RHPN2: variants seen among roughly 807,000 people sequenced by gnomAD.
The protein encoded by RHPN2 is rhophilin Rho GTPase binding protein 2, also known as rhophilin-2.
RHPN2 carries 40 observed loss-of-function variants against 79.0 expected under a neutral mutation model. That is an observed-to-expected ratio of 0.51 (90% CI 0.39 to 0.66). RHPN2 has a LOEUF of 0.66. Among genes scored for constraint, RHPN2 ranks in the 30% least tolerant of loss-of-function variants. RHPN2 has a pLI of 0.00. For synonymous variants in RHPN2, 285 were observed against 363.5 expected (o/e 0.78, Z 2.46); for missense variants, 686 against 883.5 (o/e 0.78, Z 2.83).
rs528097062 is a variant in RHPN2, at chr19:33,062,417, G to A, written c.69+2367C>T. On this transcript the variant is annotated intron_variant, in intron 1 of 14. Coordinates refer to ENST00000254260, the MANE Select transcript of RHPN2 (RefSeq NM_033103.5). The stretch of plus-strand genomic sequence containing the variant: ...ATGGAGGTTGCAGTGAGCCGAGATC[G>A]CGCCACTGCACTCCAGCCTGGGTGA... 1.4e-4 allele frequency among the ~76,000 whole-genome samples: 21 copies of A among 150,594 alleles called. 1 individual carries two copies. Among genetic ancestry groups the A allele is most frequent in the Admixed American group, 1.0e-3 (15 of 15,050 alleles).
At chr19:32,999,841 GC>G in intron 9 of RHPN2, 136 bp from the exon 10 acceptor site, 1 of 1,140,026 alleles carries the variant, frequency 8.8e-7, no homozygotes, top group Non-Finnish European at 1.3e-6. Context: ...TCTCCTTTCT[GC>G]CCCCGGACAC....
chr19:33,026,660 G>A (rs768107431), intron 2 of RHPN2, 28 bp from the exon 3 acceptor site: 2 of 1,598,828 alleles, frequency 1.3e-6, no homozygotes, highest in Non-Finnish European at 1.7e-6. Flanking sequence ...GGAGAGAAGT[G>A]CCCTCAGCCA....
intron 13 of RHPN2, among the ~76,000 whole-genome samples, 186 bp downstream of exon 13, chr19:32,991,637 T>TA (rs58266528): frequency 0.11 from 16,884 of 151,672 alleles, 1,301 homozygotes; most frequent in East Asian, 0.35. Context: ...TCCCAAAGTC[T>TA]AAAAAAAACT....
intron 14 of RHPN2, among the ~76,000 whole-genome samples, chr19:32,981,678 ATTTTCTTT>A (rs1443698638): frequency 7.8e-6 from 1 of 128,806 alleles, no homozygotes; most frequent in Non-Finnish European, 1.7e-5. Context: ...TCTACACCTG[ATTTTCTTT>A]TTTTCTTTTT....
intron 1 of RHPN2, among the ~76,000 whole-genome samples, chr19:33,064,348 AC>A (rs1311786879): frequency 2.6e-5 from 4 of 152,040 alleles, no homozygotes; most frequent in African/African-American, 4.8e-5. Context: ...GACCGCCAAC[AC>A]GCCTGGGATG....
At position 33,002,973 on chromosome 19, in the gene RHPN2, A is replaced by T; in HGVS notation, c.788T>A (p.Phe263Tyr). ...CATGTCGTAACTTGGAGTATGGGTA[A>T]ATGTGTCTTTCAGGTAATTTAAAAC... ...AGVLNYLKDT[F>Y]THTPSYDMSP... The change falls in exon 8 of 15, where the codon TTT becomes TAT. Residue 263 changes from phenylalanine to tyrosine, a missense_variant. By Grantham distance (22) the Phe-to-Tyr change is conservative (BLOSUM62 3). Transcript: ENST00000254260. The T allele has an allele frequency of 6.2e-7, 1 of 1,613,882 alleles. No homozygotes were observed. The highest frequency in any genetic ancestry group is 8.5e-7 in the Non-Finnish European group (1 of 1,179,838).
At chr19:33,030,228 C>G (rs1176411918) in intron 2 of RHPN2, among the ~76,000 whole-genome samples, 1 of 152,104 alleles carries the variant, frequency 6.6e-6, no homozygotes, top group African/African-American at 2.4e-5. Flanking sequence ...AAATAAGATA[C>G]TGGAGGCTCA....
chr19:33,054,187 TTTC>T (rs1231430148), intron 1 of RHPN2, among the ~76,000 whole-genome samples: 5 of 144,934 alleles, frequency 3.4e-5, no homozygotes, highest in Non-Finnish European at 7.4e-5. Flanking sequence ...CCTGCCCTTT[TTTC>T]TTCTTTGTTT....
At chr19:33,042,890 C>G (rs1446741652) in intron 2 of RHPN2, among the ~76,000 whole-genome samples, 3 of 152,006 alleles carry the variant, frequency 2.0e-5, no homozygotes, top group African/African-American at 7.3e-5. Context: ...ACCAGCCTGG[C>G]CAAGTTGGTG....
chr19:32,980,047 C>T lies in RHPN2; in HGVS notation c.2010G>A (p.Lys670=). The change falls in exon 15 of 15, where the codon AAG becomes AAA. Residue 670 remains lysine, a synonymous_variant. Coordinates refer to ENST00000254260, the MANE Select transcript of RHPN2 (RefSeq NM_033103.5). ...SVGAARPQVK[K]KLPSPFSLLN... The stretch of plus-strand genomic sequence containing the variant: ...GAAGGCTGAAAGGGGAGGGCAGCTT[C>T]TTCTTGACCTGAGGCCGTGCAGCCC... 6.2e-7 allele frequency: 1 copy of T among 1,613,938 alleles called. No homozygotes were observed. Among genetic ancestry groups the T allele is most frequent in the Non-Finnish European group, 8.5e-7 (1 of 1,179,848 alleles).
chr19:33,043,785 G>A (rs538699516), intron 2 of RHPN2, among the ~76,000 whole-genome samples: 39 of 152,230 alleles, frequency 2.6e-4, no homozygotes, highest in South Asian at 4.1e-4. Flanking sequence ...CCTAGATCAC[G>A]GGGGTGTACT....
At chr19:33,033,673 A>G (rs562368012) in intron 2 of RHPN2, among the ~76,000 whole-genome samples, 2 of 152,226 alleles carry the variant, frequency 1.3e-5, no homozygotes, top group South Asian at 4.2e-4. Flanking sequence ...GTTGGAGACC[A>G]GCCTGACCAA....
intron 14 of RHPN2, among the ~76,000 whole-genome samples, chr19:32,989,092 A>C (rs1475754820): frequency 1.3e-5 from 2 of 152,094 alleles, no homozygotes; most frequent in Admixed American, 1.3e-4. Context: ...TATGGCATGA[A>C]TCCTAGCACT....
intron 12 of RHPN2, 70 bp downstream of exon 12, chr19:32,993,907 A>C: frequency 8.8e-7 from 1 of 1,141,108 alleles, no homozygotes; most frequent in South Asian, 1.2e-5. Flanking sequence ...ACATGGACTA[A>C]GACACCATAC....
intron 3 of RHPN2, among the ~76,000 whole-genome samples, chr19:33,024,569 T>G (rs766421705): frequency 6.6e-6 from 1 of 152,128 alleles, no homozygotes; most frequent in Non-Finnish European, 1.5e-5. Flanking sequence ...ACCACCCCGG[T>G]GCCCTGCAGA....
intron 7 of RHPN2, among the ~76,000 whole-genome samples, chr19:33,006,548 G>A (rs1036337577): frequency 6.6e-6 from 1 of 152,232 alleles, no homozygotes; most frequent in Non-Finnish European, 1.5e-5. Context: ...CCCCAAAGCA[G>A]AATGTCGATG....
At chr19:32,994,917 ACTCCAGC>A (rs2146004552) in intron 11 of RHPN2, among the ~76,000 whole-genome samples, 1 of 152,184 alleles carries the variant, frequency 6.6e-6, no homozygotes, top group South Asian at 2.1e-4. Context: ...ACGCCACTGC[ACTCCAGC>A]CTGGGTGAGA....
At position 33,002,987 on chromosome 19, in the gene RHPN2, G is replaced by A; in HGVS notation, c.774C>T (p.Tyr258=). 6.2e-7 allele frequency: 1 copy of A among 1,613,818 alleles called. No homozygotes were observed. The highest frequency in any genetic ancestry group is 8.5e-7 in the Non-Finnish European group (1 of 1,179,794). The change falls in exon 8 of 15, where the codon TAC becomes TAT. Residue 258 remains tyrosine (Y), a synonymous_variant. Coordinates refer to ENST00000254260, the MANE Select transcript of RHPN2 (RefSeq NM_033103.5). ...GAGTATGGGTAAATGTGTCTTTCAGGTAATTTAAAACCCCTAAAAGTGGAA... is the reference window on the plus strand; with the variant it reads ...GAGTATGGGTAAATGTGTCTTTCAGATAATTTAAAACCCCTAAAAGTGGAA... ...AFQRAAGVLN[Y]LKDTFTHTPS...
At chr19:33,007,822 C>T (rs1395284185) in intron 7 of RHPN2, among the ~76,000 whole-genome samples, 192 bp downstream of exon 7, 5 of 151,694 alleles carry the variant, frequency 3.3e-5, no homozygotes, top group South Asian at 2.1e-4. Flanking sequence ...TTTGGCCTCC[C>T]GAAGTGCTGG....
Sources: gnomAD v4.1 joint callset for allele counts (sites outside exome capture counted in the v4.1 genomes callset) on GRCh38, gnomAD v4.1.1 for gene constraint, MANE v1.5 for transcripts, NCBI Gene and HGNC (gene_info 2026-07-23, HGNC 2026-07-21) for gene names.